Variants in WNK2 observed in about 807,000 individuals in gnomAD.
The protein encoded by WNK2 is serine/threonine-protein kinase WNK2.
In WNK2, 67 loss-of-function variants were observed where a neutral mutation model predicts 192.1. The ratio of observed to expected loss-of-function variants is 0.35; its 90% CI spans 0.29 to 0.43. The LOEUF (loss-of-function observed/expected upper bound fraction) is 0.43, where lower values mean the gene tolerates loss of function less well. Ranked by LOEUF, WNK2 falls within the 20% of genes least tolerant of loss-of-function variation. The pLI, the probability that WNK2 is intolerant of heterozygous loss-of-function variation, is 1.00. For synonymous variants in WNK2, 1,439 were observed against 1,393.9 expected (o/e 1.03, Z -0.72); for missense variants, 2,698 against 3,089.7 (o/e 0.87, Z 3.01).
At chr9:93,232,396 T>C (rs550732578) in intron 4 of WNK2, among the ~76,000 whole-genome samples, 6 of 152,070 alleles carry the variant, frequency 3.9e-5, no homozygotes, top group Non-Finnish European at 5.9e-5. Context: ...GGGTCTCCAC[T>C]CCCTCCTGGA....
intron 19 of WNK2, chr9:93,269,053 A>G: frequency 9.6e-7 from 1 of 1,038,370 alleles, no homozygotes; most frequent in Non-Finnish European, 1.4e-6. Context: ...TTAACCTGGC[A>G]ACTCCTTGCT....
intron 13 of WNK2, 72 bp from the exon 14 acceptor site, chr9:93,262,598 A>G (rs969183689): frequency 1.1e-5 from 17 of 1,537,346 alleles, no homozygotes; most frequent in South Asian, 2.3e-5. Flanking sequence ...AGAGCTGACT[A>G]TGCGTGGCTG....
At chr9:93,216,267 C>G (rs1835725003) in intron 2 of WNK2, among the ~76,000 whole-genome samples, 2 of 152,148 alleles carry the variant, frequency 1.3e-5, no homozygotes, top group African/African-American at 4.8e-5. Context: ...CCAAGGCATT[C>G]CTGTCCTATA....
At chr9:93,209,939 C>T (rs190291683) in intron 2 of WNK2, among the ~76,000 whole-genome samples, 40 of 152,252 alleles carry the variant, frequency 2.6e-4, no homozygotes, top group Admixed American at 1.6e-3. Context: ...AGGAGCCCCA[C>T]GCCTGTGGGC....
intron 2 of WNK2, among the ~76,000 whole-genome samples, chr9:93,202,329 T>TGCAC (rs1351574273): frequency 2.7e-5 from 3 of 111,924 alleles, no homozygotes; most frequent in African/African-American, 1.2e-4. Context: ...TGTGCACGTG[T>TGCAC]GTGTGTGTGT....
chr9:93,267,993 T>A, intron 17 of WNK2, 27 bp from the exon 18 acceptor site: 1 of 1,609,368 alleles, frequency 6.2e-7, no homozygotes, highest in Non-Finnish European at 8.5e-7. Context: ...CTCAGTGGGC[T>A]CATTTCTGAC....
chr9:93,309,540 T>C (rs1289290835), intron 28 of WNK2, among the ~76,000 whole-genome samples: 1 of 152,228 alleles, frequency 6.6e-6, no homozygotes, highest in African/African-American at 2.4e-5. Context: ...ATTTTTTCCA[T>C]TTGCAGGATT....
At chr9:93,214,653 T>C (rs1835371225) in intron 2 of WNK2, among the ~76,000 whole-genome samples, 1 of 151,152 alleles carries the variant, frequency 6.6e-6, no homozygotes, top group African/African-American at 2.4e-5. Context: ...ATGGTTTCTG[T>C]TGAGGTCAGC....
chr9:93,309,412 C>T (rs890552617), intron 28 of WNK2, among the ~76,000 whole-genome samples: 1 of 152,186 alleles, frequency 6.6e-6, no homozygotes, highest in African/African-American at 2.4e-5. Flanking sequence ...ACTTTTAACA[C>T]CATTTGGATT....
chr9:93,254,872 T>C (rs1399371465), intron 9 of WNK2, among the ~76,000 whole-genome samples: 4 of 152,064 alleles, frequency 2.6e-5, no homozygotes, highest in African/African-American at 7.2e-5. Flanking sequence ...GCTTTGAGGA[T>C]TGGCTGAACT....
chr9:93,313,693 G>T lies in WNK2; in HGVS notation c.6517-3827G>T, dbSNP rs1005836980. ...TCTTATCAGCCGTCTTTTAAAAAGTGCCTGGTCAAGGATAGTGACCATTTA... is the reference window on the plus strand; with the variant it reads ...TCTTATCAGCCGTCTTTTAAAAAGTTCCTGGTCAAGGATAGTGACCATTTA... On this transcript the variant is annotated intron_variant, in intron 28 of 29. Coordinates refer to ENST00000427277, the MANE Select transcript of WNK2 (RefSeq NM_006648.4). Among the ~76,000 whole-genome samples the T allele has an allele frequency of 3.3e-5, 5 of 152,208 alleles. No individual in the cohort carries two copies. The South Asian group carries it at 1.0e-3, about 32-fold the overall frequency.
rs112432416 is a variant in WNK2 at position 93,258,838 on chromosome 9, G to A, written c.2383-93G>A. 1.6e-4 allele frequency: 177 copies of A among 1,140,864 alleles called. No individual in the cohort carries two copies. In the African/African-American group the frequency reaches 2.1e-3, roughly 13 times the overall value. The allele number at this position is 1,140,864 out of a possible 1,614,324, so 70.7% of individuals were successfully genotyped here. On this transcript the variant is annotated intron_variant, in intron 11 of 29. Transcript: ENST00000427277. The stretch of plus-strand genomic sequence containing the variant: ...TGCTGTCTTCATCCCGTGTCCCCTC[G>A]TCCCCAATGACTGTGGCTGTCCTTG...
At chr9:93,303,529 GGA>G (rs1474694014) in intron 26 of WNK2, among the ~76,000 whole-genome samples, 1 of 152,194 alleles carries the variant, frequency 6.6e-6, no homozygotes, top group African/African-American at 2.4e-5. Context: ...CTCCCGGTGG[GGA>G]GAGAGTGCAT....
intron 28 of WNK2, chr9:93,317,314 G>T: frequency 1.6e-6 from 1 of 609,632 alleles, no homozygotes. Flanking sequence ...TCAGGCTGCA[G>T]CTTGGGGAAG....
chr9:93,256,084 G>A (rs984224588), intron 9 of WNK2, among the ~76,000 whole-genome samples: 3 of 152,136 alleles, frequency 2.0e-5, no homozygotes, highest in Non-Finnish European at 4.4e-5. Flanking sequence ...TGATGTGCCC[G>A]GGCACCCCTG....
At chr9:93,300,970 G>A (rs1280153520) in intron 26 of WNK2, among the ~76,000 whole-genome samples, 1 of 152,206 alleles carries the variant, frequency 6.6e-6, no homozygotes, top group African/African-American at 2.4e-5. Context: ...TTTACTTGCT[G>A]TATTTTCCTG....
At chr9:93,225,919 G>T (rs199535261) in intron 2 of WNK2, among the ~76,000 whole-genome samples, 1 of 6,056 alleles carries the variant, frequency 1.7e-4, no homozygotes, top group African/African-American at 6.6e-4. Flanking sequence ...GTGTTATGTT[G>T]TGTTGTGTTG....
chr9:93,197,569 T>C (rs1371851918), intron 2 of WNK2, among the ~76,000 whole-genome samples: 11 of 152,154 alleles, frequency 7.2e-5, no homozygotes, highest in Admixed American at 7.2e-4. Flanking sequence ...CTCTGTCTCC[T>C]AGACTGGAGT....
chr9:93,203,916 A>T (rs1312331112), intron 2 of WNK2, among the ~76,000 whole-genome samples: 1 of 152,108 alleles, frequency 6.6e-6, no homozygotes, highest in Non-Finnish European at 1.5e-5. Flanking sequence ...GGGGCCAGCC[A>T]GGAGCCCTGT....
Sources: allele counts gnomAD v4.1 joint callset (sites outside exome capture counted in the v4.1 genomes callset), GRCh38; gene constraint gnomAD v4.1.1; transcripts MANE v1.5; gene names NCBI Gene and HGNC (gene_info 2026-07-23, HGNC 2026-07-21).